The following UBE2E2 variants were observed in gnomAD, a reference collection of about 807,000 sequenced individuals.
The protein encoded by UBE2E2 is ubiquitin-conjugating enzyme E2 E2.
In UBE2E2, 6 loss-of-function variants were observed where a neutral mutation model predicts 24.7. The ratio of observed to expected loss-of-function variants is 0.24; its 90% CI spans 0.13 to 0.48. UBE2E2 has a LOEUF of 0.48. Ranked by LOEUF, UBE2E2 falls within the 20% of genes least tolerant of loss-of-function variation. The pLI is 0.99. For missense variants in UBE2E2, 169 were observed against 245.0 expected, an observed-to-expected ratio of 0.69 and a Z score of 2.07; for synonymous variants, 104 against 83.6, an observed-to-expected ratio of 1.24 and a Z score of -1.33.
chr3:23,544,828 T>C (rs6767954), intron 5 of UBE2E2, among the ~76,000 whole-genome samples: 39,705 of 149,074 alleles, frequency 0.27, 3,022 homozygotes, highest in East Asian at 0.44. Context: ...TGAGTTCCCT[T>C]AGTATTTATT....
chr3:23,369,866 A>G (rs1367018609), intron 3 of UBE2E2, among the ~76,000 whole-genome samples: 2 of 152,108 alleles, frequency 1.3e-5, no homozygotes, highest in African/African-American at 4.8e-5. Flanking sequence ...GTTTTTATTT[A>G]TATGTATCTC....
intron 3 of UBE2E2, among the ~76,000 whole-genome samples, chr3:23,347,412 A>G (rs1695591419): frequency 6.6e-6 from 1 of 152,206 alleles, no homozygotes; most frequent in South Asian, 2.1e-4. Flanking sequence ...AGGGACATGG[A>G]TGAAGCTGGA....
At chr3:23,298,029 A>G (rs1324256899) in intron 3 of UBE2E2, among the ~76,000 whole-genome samples, 1 of 151,532 alleles carries the variant, frequency 6.6e-6, no homozygotes, top group African/African-American at 2.4e-5. Context: ...ATTCCTAGAT[A>G]TTTTATTCTC....
intron 3 of UBE2E2, among the ~76,000 whole-genome samples, chr3:23,292,601 T>G (rs1379070817): frequency 6.6e-6 from 1 of 152,190 alleles, no homozygotes; most frequent in Non-Finnish European, 1.5e-5. Flanking sequence ...TTCATTAAAA[T>G]TCACCTCCTC....
At chr3:23,472,298 A>G (rs1332900508) in intron 3 of UBE2E2, among the ~76,000 whole-genome samples, 1 of 152,244 alleles carries the variant, frequency 6.6e-6, no homozygotes, top group African/African-American at 2.4e-5. Context: ...TTGCTGAGAA[A>G]TCTACTGGAA....
chr3:23,310,896 T>C (rs1160549768), intron 3 of UBE2E2, among the ~76,000 whole-genome samples: 2 of 152,152 alleles, frequency 1.3e-5, no homozygotes, highest in South Asian at 2.1e-4. Context: ...CTAGGGTACA[T>C]GTGCACAACA....
At position 23,471,272 on chromosome 3, in the gene UBE2E2, C is replaced by T. The variant is rs544565394; in HGVS notation, c.228-28336C>T. ...TCCTGAAAGATGGTAGCAGTAGTGA[C>T]ATTGTTCTTTAATCTCATCATAAAA... is the stretch of plus-strand genomic sequence containing the variant. On this transcript the variant is annotated intron_variant, in intron 3 of 5. Coordinates refer to ENST00000396703, the MANE Select transcript of UBE2E2 (RefSeq NM_152653.4). 1.4e-4 allele frequency among the ~76,000 whole-genome samples: 21 copies of T among 152,242 alleles called. No individual in the cohort carries two copies. The South Asian group carries it at 4.4e-3, about 32-fold the overall frequency.
At chr3:23,240,142 T>C (rs1697219841) in intron 3 of UBE2E2, among the ~76,000 whole-genome samples, 2 of 152,174 alleles carry the variant, frequency 1.3e-5, no homozygotes, top group Admixed American at 6.5e-5. Flanking sequence ...GTTAGGATAA[T>C]TGGGTAAACA....
intron 3 of UBE2E2, among the ~76,000 whole-genome samples, chr3:23,286,063 T>C (rs1455136021): frequency 6.6e-6 from 1 of 152,230 alleles, no homozygotes; most frequent in Non-Finnish European, 1.5e-5. Context: ...TAGTTCCTTA[T>C]ATATTCTGGT....
At chr3:23,205,353 C>G (rs1014564278) in intron 1 of UBE2E2, among the ~76,000 whole-genome samples, 2 of 152,102 alleles carry the variant, frequency 1.3e-5, no homozygotes, top group African/African-American at 4.8e-5. Flanking sequence ...TTTTAAAATG[C>G]TAATTTAGAA....
chr3:23,234,142 A>G (rs1462114102), intron 3 of UBE2E2, among the ~76,000 whole-genome samples: 1 of 151,478 alleles, frequency 6.6e-6, no homozygotes, highest in Non-Finnish European at 1.5e-5. Context: ...GGTTGCTGAC[A>G]AAATCTCTGT....
chr3:23,335,751 C>G (rs949044850), intron 3 of UBE2E2, among the ~76,000 whole-genome samples: 2 of 152,138 alleles, frequency 1.3e-5, no homozygotes. Context: ...TCAGGCTGGT[C>G]TTGAACTCCT....
chr3:23,265,613 T>C (rs1301210148), intron 3 of UBE2E2, among the ~76,000 whole-genome samples: 1 of 152,194 alleles, frequency 6.6e-6, no homozygotes, highest in Non-Finnish European at 1.5e-5. Context: ...CAGAGGTTCC[T>C]TATCCAAGAA....
intron 3 of UBE2E2, among the ~76,000 whole-genome samples, chr3:23,442,749 A>C (rs1698334862): frequency 2.0e-5 from 3 of 152,190 alleles, no homozygotes; most frequent in African/African-American, 7.2e-5. Context: ...GTCTGTATCC[A>C]CTACCAGTTT....
chr3:23,442,929 A>G (rs899841846), intron 3 of UBE2E2, among the ~76,000 whole-genome samples: 4 of 152,202 alleles, frequency 2.6e-5, no homozygotes, highest in Admixed American at 1.3e-4. Flanking sequence ...TCAAATATCT[A>G]TATTAATAAT....
chr3:23,269,527 C>T lies in UBE2E2; in HGVS notation c.227+52215C>T, dbSNP rs116933985. Reference sequence around the variant, plus strand: ...CACAGTCTGCCAGGAAATCAGTTCTCACCTTCCAATGGGACAGGATTTGAG... The same window carrying T: ...CACAGTCTGCCAGGAAATCAGTTCTTACCTTCCAATGGGACAGGATTTGAG... On this transcript the variant is annotated intron_variant, in intron 3 of 5. Coordinates refer to ENST00000396703, the MANE Select transcript of UBE2E2 (RefSeq NM_152653.4). Among the ~76,000 whole-genome samples, 86 of 152,280 alleles carry T rather than the reference C, an allele frequency of 5.6e-4. 2 individuals are homozygous for T. The East Asian group carries it at 0.015, about 27-fold the overall frequency.
At chr3:23,369,518 A>C (rs1219709174) in intron 3 of UBE2E2, among the ~76,000 whole-genome samples, 1 of 152,176 alleles carries the variant, frequency 6.6e-6, no homozygotes, top group Non-Finnish European at 1.5e-5. Context: ...CATTTTTGGT[A>C]CAGCTCATTT....
intron 3 of UBE2E2, among the ~76,000 whole-genome samples, chr3:23,350,518 A>G (rs951118995): frequency 3.9e-5 from 6 of 152,216 alleles, no homozygotes; most frequent in African/African-American, 1.2e-4. Flanking sequence ...TAACTAGAAT[A>G]ACCAATACAG....
intron 3 of UBE2E2, among the ~76,000 whole-genome samples, chr3:23,335,139 G>C (rs1348104065): frequency 6.6e-6 from 1 of 152,114 alleles, no homozygotes; most frequent in Non-Finnish European, 1.5e-5. Flanking sequence ...GGGTTATTTT[G>C]TGGGTCTCAA....
Sources: allele counts gnomAD v4.1 joint callset (sites outside exome capture counted in the v4.1 genomes callset), GRCh38; gene constraint gnomAD v4.1.1; transcripts MANE v1.5; gene names NCBI Gene and HGNC (gene_info 2026-07-23, HGNC 2026-07-21).